MAP2K6: variants seen among roughly 807,000 people sequenced by gnomAD.
MAP2K6 encodes the protein mitogen-activated protein kinase kinase 6.
Under a neutral mutation model 53.7 loss-of-function variants are expected in MAP2K6, and 16 were observed. The ratio of observed to expected loss-of-function variants is 0.30; its 90% confidence interval spans 0.20 to 0.45. The LOEUF is 0.45. Among genes scored for constraint, MAP2K6 ranks in the 20% least tolerant of loss-of-function variants. The pLI, the probability that MAP2K6 is intolerant of heterozygous loss-of-function variation, is 1.00. For missense variants in MAP2K6, 204 were observed against 411.9 expected (o/e 0.50, Z 4.37); for synonymous variants, 132 against 143.1 (o/e 0.92, Z 0.55).
chr17:69,543,122 T>G lies in MAP2K6; in HGVS notation c.*1369T>G, dbSNP rs543778191. Reference sequence around the variant, plus strand: ...CCACAGGTTCTATGATTTGTAGCTCTAGGTTTCTTGATGATCAAGGAGTGA... The same window carrying G: ...CCACAGGTTCTATGATTTGTAGCTCGAGGTTTCTTGATGATCAAGGAGTGA... On this transcript the variant is annotated 3_prime_UTR_variant, in exon 12 of 12. Transcript: ENST00000590474. 1 of 152,328 alleles carries G rather than the reference T, an allele frequency of 6.6e-6. No individual in the cohort carries two copies. The highest frequency in any genetic ancestry group is 2.4e-5 in the African/African-American group (1 of 41,572). The allele number at this position is 152,328 out of a possible 1,614,324, so 9.4% of individuals were successfully genotyped here. A position where few individuals can be genotyped will look rare whatever the true frequency, so the allele number is the denominator to read the frequency against.
intron 10 of MAP2K6, among the ~76,000 whole-genome samples, chr17:69,529,576 T>C (rs1014855509): frequency 8.7e-5 from 13 of 149,046 alleles, no homozygotes; most frequent in Admixed American, 6.8e-5. Flanking sequence ...AGTGGCACGA[T>C]CTCAGCTCAC....
chr17:69,486,351 C>T (rs920707951), intron 1 of MAP2K6, among the ~76,000 whole-genome samples: 2 of 152,126 alleles, frequency 1.3e-5, no homozygotes, highest in Admixed American at 6.5e-5. Flanking sequence ...TGGAAGTTCT[C>T]CCTGTACAGA....
At chr17:69,531,184 A>G (rs563614168) in intron 10 of MAP2K6, among the ~76,000 whole-genome samples, 1 of 152,286 alleles carries the variant, frequency 6.6e-6, no homozygotes, top group South Asian at 2.1e-4. Context: ...CAAAAGTGAA[A>G]TATTTAATCT....
At chr17:69,520,594 T>C (rs61758050) in intron 6 of MAP2K6, 1 of 527,160 alleles carries the variant, frequency 1.9e-6, no homozygotes, top group Non-Finnish European at 3.3e-6. Flanking sequence ...TGGCAGACTC[T>C]AGGTTAAATG....
chr17:69,539,410 G>T (rs1598322683), intron 11 of MAP2K6, among the ~76,000 whole-genome samples: 1 of 152,096 alleles, frequency 6.6e-6, no homozygotes, highest in African/African-American at 2.4e-5. Flanking sequence ...TTTCCTGGTT[G>T]CTGCCCTTGC....
At chr17:69,535,865 T>A (rs1911328248) in intron 10 of MAP2K6, among the ~76,000 whole-genome samples, 1 of 142,414 alleles carries the variant, frequency 7.0e-6, no homozygotes, top group Admixed American at 7.2e-5. Flanking sequence ...ATCGGTAAAG[T>A]ATCAAAAGGA....
At chr17:69,500,183 C>T (rs181094117) in intron 1 of MAP2K6, among the ~76,000 whole-genome samples, 1 of 152,100 alleles carries the variant, frequency 6.6e-6, no homozygotes, top group Admixed American at 6.6e-5. Context: ...CCTGTAATCC[C>T]AGTAACAGCA....
intron 8 of MAP2K6, among the ~76,000 whole-genome samples, chr17:69,523,980 TA>T (rs1171150975): frequency 1.3e-5 from 2 of 152,288 alleles, no homozygotes; most frequent in African/African-American, 4.8e-5. Context: ...CTCAGGATCA[TA>T]CATAGCACCT....
At chr17:69,442,913 G>A (rs1250585714) in intron 1 of MAP2K6, among the ~76,000 whole-genome samples, 2 of 152,056 alleles carry the variant, frequency 1.3e-5, no homozygotes, top group Non-Finnish European at 2.9e-5. Context: ...AACATATCTG[G>A]CATCTAATAG....
At chr17:69,436,272 G>A (rs1906638814) in intron 1 of MAP2K6, among the ~76,000 whole-genome samples, 1 of 151,970 alleles carries the variant, frequency 6.6e-6, no homozygotes, top group African/African-American at 2.4e-5. Context: ...ACTTCCTTTC[G>A]CTCACTGCTG....
chr17:69,445,120 C>T lies in MAP2K6; in HGVS notation c.16+30120C>T, dbSNP rs1009419653. On this transcript the variant is annotated intron_variant, in intron 1 of 11. Transcript: ENST00000590474. ...ATTTTCAGTAGAGATGGGGTTTCAC[C>T]GTGGTGGCCAGGCTGGTCTCAAACT... is the stretch of plus-strand genomic sequence containing the variant. Among the ~76,000 whole-genome samples the T allele has an allele frequency of 4.6e-5, 7 of 152,206 alleles. No homozygotes were observed. In the South Asian group the frequency reaches 6.2e-4, roughly 14 times the overall value.
In MAP2K6 at chr17:69,541,764, A is replaced by C. The variant is rs765239028; in HGVS notation, c.*11A>C. 1 of 1,608,496 alleles carries C rather than the reference A, an allele frequency of 6.2e-7. No homozygotes were observed. The highest frequency in any genetic ancestry group is 1.7e-5 in the Admixed American group (1 of 59,910). On this transcript the variant is annotated 3_prime_UTR_variant, in exon 12 of 12. Transcript: ENST00000590474. Reference sequence around the variant, plus strand: ...ATTCTTGGAGACTAAAAAGCAGTGGACTTAATCGGTTGACCCTACTGTGGA... The same window carrying C: ...ATTCTTGGAGACTAAAAAGCAGTGGCCTTAATCGGTTGACCCTACTGTGGA...
rs748162080 is a variant in MAP2K6, at chr17:69,523,530, T to C, written c.552T>C (p.Asn184=). 3 of 1,614,100 alleles carry C rather than the reference T, an allele frequency of 1.9e-6. No individual in the cohort carries two copies. The highest frequency in any genetic ancestry group is 1.7e-6 in the Non-Finnish European group (2 of 1,179,936). ...SVIHRDVKPS[N]VLINALGQVK... ...CGCTTTCAGACGTCAAGCCTTCTAA[T>C]GTACTCATCAATGCTCTCGGTCAAG... Residue 184 remains asparagine, a synonymous_variant, in exon 8 of 12, where the codon AAT becomes AAC. Transcript: ENST00000590474.
At chr17:69,444,909 A>AT (rs1906926208) in intron 1 of MAP2K6, among the ~76,000 whole-genome samples, 1 of 151,928 alleles carries the variant, frequency 6.6e-6, no homozygotes, top group Admixed American at 6.6e-5. Context: ...TCCAAAGCAC[A>AT]TTTTCTTTTA....
At chr17:69,470,535 G>C (rs1374912154) in intron 1 of MAP2K6, among the ~76,000 whole-genome samples, 3 of 152,164 alleles carry the variant, frequency 2.0e-5, no homozygotes, top group African/African-American at 7.2e-5. Context: ...TGATGGGAGG[G>C]ACATGCCCCC....
chr17:69,519,484 G>T, intron 5 of MAP2K6, 52 bp downstream of exon 5: 1 of 1,609,956 alleles, frequency 6.2e-7, no homozygotes, highest in Non-Finnish European at 8.5e-7. Flanking sequence ...TTAAAAAGAA[G>T]TTTCTTTGAT....
At chr17:69,426,078 A>G (rs955139654) in intron 1 of MAP2K6, among the ~76,000 whole-genome samples, 1 of 152,082 alleles carries the variant, frequency 6.6e-6, no homozygotes, top group Non-Finnish European at 1.5e-5. Context: ...TGCTTTTTTC[A>G]TTCAGGGTCT....
At chr17:69,533,286 G>C (rs1405135741) in intron 10 of MAP2K6, among the ~76,000 whole-genome samples, 1 of 151,910 alleles carries the variant, frequency 6.6e-6, no homozygotes, top group Non-Finnish European at 1.5e-5. Flanking sequence ...AAGATATCCT[G>C]ACTCAAAATC....
rs573579973 is a variant in MAP2K6, at chr17:69,439,969, GA to G, written c.16+24972del. Among the ~76,000 whole-genome samples, 488 of 152,276 alleles carry G rather than the reference GA, an allele frequency of 3.2e-3. 4 individuals carry two copies. Among genetic ancestry groups the G allele is most frequent in the African/African-American group, 0.011 (467 of 41,542 alleles). On this transcript the variant is annotated intron_variant, in intron 1 of 11. Transcript: ENST00000590474. ...TACTATTATTACCATTAAAAAGGGG[GA>G]AACCAAGCCTTGGAAAGGGTAAGAA... is the stretch of plus-strand genomic sequence containing the variant.
Sources: gnomAD v4.1 joint callset for allele counts (sites outside exome capture counted in the v4.1 genomes callset) on GRCh38, gnomAD v4.1.1 for gene constraint, MANE v1.5 for transcripts, NCBI Gene and HGNC (gene_info 2026-07-23, HGNC 2026-07-21) for gene names.